NPM1: variants seen among roughly 807,000 people sequenced by gnomAD.
NPM1 encodes the protein nucleophosmin.
In NPM1, 1 loss-of-function variant was observed where a neutral mutation model predicts 44.1. The ratio of observed to expected loss-of-function variants is 0.02; its 90% CI spans 0.01 to 0.11. The LOEUF is 0.11. Ranked by LOEUF, NPM1 falls within the 10% of genes least tolerant of loss-of-function variation. NPM1 has a pLI of 1.00. For synonymous variants in NPM1, 126 were observed against 111.8 expected, an observed-to-expected ratio of 1.13 and a Z score of -0.80; for missense variants, 197 against 347.8, an observed-to-expected ratio of 0.57 and a Z score of 3.45.
chr5:171,405,478 G>GTTTCTTGT (rs1354518182), intron 9 of NPM1, 75 bp downstream of exon 9: 6 of 709,530 alleles, frequency 8.5e-6, no homozygotes, highest in East Asian at 2.7e-5. Flanking sequence ...AGACTTGAAT[G>GTTTCTTGT]TTTCTTGTTT....
At position 171,391,299 on chromosome 5, in the gene NPM1, TCACAGG is replaced by T. The variant is rs1490909801; in HGVS notation, c.139-5_139del. ...AGTTGAAGTAGTATTTTTTTTTTGTTCACAGGTCAGTTTAGGGGCTGGTGCAAAGGA... is the reference window on the plus strand; with the variant it reads ...AGTTGAAGTAGTATTTTTTTTTTGTTTCAGTTTAGGGGCTGGTGCAAAGGA... On this transcript the variant is annotated splice_acceptor_variant and splice_polypyrimidine_tract_variant and coding_sequence_variant and intron_variant, in exon 3 of 11. Coordinates refer to ENST00000296930, the MANE Select transcript of NPM1 (RefSeq NM_002520.7). LOFTEE classifies it high-confidence loss of function. 3 of 1,607,548 alleles carry T rather than the reference TCACAGG, an allele frequency of 1.9e-6. No homozygotes were observed. The highest frequency in any genetic ancestry group is 3.4e-5 in the Admixed American group (2 of 58,542).
At chr5:171,405,719 T>A in intron 9 of NPM1, 1 of 298,768 alleles carries the variant, frequency 3.3e-6, no homozygotes, top group Non-Finnish European at 6.2e-6. Flanking sequence ...GGTTGTAAGA[T>A]ATGCTAGAGA....
At chr5:171,400,328 A>AGATCATCTCATACTGAT in intron 7 of NPM1, 118 bp downstream of exon 7, 1 of 525,442 alleles carries the variant, frequency 1.9e-6, no homozygotes, top group Non-Finnish European at 2.6e-6. Flanking sequence ...CTCATACTGA[A>AGATCATCTCATACTGAT]AATTAGTCCT....
chr5:171,387,891 G>C lies in NPM1; in HGVS notation c.-58G>C, dbSNP rs1770323545. 3.9e-6 allele frequency: 6 copies of C among 1,532,920 alleles called. No homozygotes were observed. The highest frequency in any genetic ancestry group is 5.4e-6 in the Non-Finnish European group (6 of 1,108,446). The allele number at this position is 1,532,920 out of a possible 1,614,324, so 95.0% of individuals were successfully genotyped here. Reference sequence around the variant, plus strand: ...CCGTCCTGCGCGGTTGTTCTCTGGAGCAGCGTTCTTTTATCTCCGTCCGCC... The same window carrying C: ...CCGTCCTGCGCGGTTGTTCTCTGGACCAGCGTTCTTTTATCTCCGTCCGCC... On this transcript the variant is annotated 5_prime_UTR_variant, in exon 1 of 11. Transcript: ENST00000296930.
chr5:171,410,772 T>C lies in NPM1; in HGVS notation c.*207T>C. ...TGGAACTCCACCCTTTGCTTGGTTT[T>C]AAGTATGTATGGAATGTTATGATAG... On this transcript the variant is annotated 3_prime_UTR_variant, in exon 11 of 11. Transcript: ENST00000296930. 1 of 489,788 alleles carries C rather than the reference T, an allele frequency of 2.0e-6. No homozygotes were observed. Among genetic ancestry groups the C allele is most frequent in the Non-Finnish European group, 3.6e-6 (1 of 278,604 alleles). 30.3% of individuals were successfully genotyped at this position (489,788 alleles called of 1,614,324 possible). A position where few individuals can be genotyped will look rare whatever the true frequency, so the allele number is the denominator to read the frequency against.
intron 6 of NPM1, among the ~76,000 whole-genome samples, chr5:171,394,582 G>T (rs1008797585): frequency 6.6e-6 from 1 of 152,120 alleles, no homozygotes; most frequent in African/African-American, 2.4e-5. Context: ...GGTTACAGGA[G>T]CATAACCAAG....
chr5:171,393,120 G>A (rs1036398914), intron 6 of NPM1, 142 bp downstream of exon 6: 2 of 1,098,704 alleles, frequency 1.8e-6, no homozygotes, highest in African/African-American at 1.6e-5. Context: ...AAGGGCAGGT[G>A]GTCATCTGTT....
intron 10 of NPM1, among the ~76,000 whole-genome samples, chr5:171,408,957 T>A (rs1771698548): frequency 6.6e-6 from 1 of 152,094 alleles, no homozygotes; most frequent in Non-Finnish European, 1.5e-5. Context: ...TTGTAGCTAT[T>A]AAATTACTGA....
chr5:171,402,038 G>A (rs1344054643), intron 8 of NPM1, among the ~76,000 whole-genome samples: 1 of 139,496 alleles, frequency 7.2e-6, no homozygotes, highest in East Asian at 2.3e-4. Flanking sequence ...TTATTCTTAG[G>A]GATTTTCTGA....
chr5:171,391,691 A>AT lies in NPM1; in HGVS notation c.259-12dup, dbSNP rs780733077. The AT allele has an allele frequency of 6.4e-7, 1 of 1,559,552 alleles. No homozygotes were observed. Among genetic ancestry groups the AT allele is most frequent in the Non-Finnish European group, 8.8e-7 (1 of 1,133,064 alleles). On this transcript the variant is annotated splice_polypyrimidine_tract_variant and intron_variant, in intron 3 of 10. Transcript: ENST00000296930. ...TTCTTCACATGTTTAGTGATGAAAA[A>AT]TTTCTCCCTTCTAGGTTTCCCTTGG...
At chr5:171,403,112 T>C (rs1034799717) in intron 8 of NPM1, among the ~76,000 whole-genome samples, 4 of 112,958 alleles carry the variant, frequency 3.5e-5, no homozygotes, top group Non-Finnish European at 3.6e-5. Context: ...GATAAACAAG[T>C]GAACAAAGGT....
chr5:171,391,170 G>A, intron 2 of NPM1, 135 bp from the exon 3 acceptor site: 1 of 995,116 alleles, frequency 1.0e-6, no homozygotes, highest in Non-Finnish European at 1.5e-6. Context: ...GTACAAAGAT[G>A]AAATTGTCTA....
chr5:171,391,080 G>GA, intron 2 of NPM1: 1 of 484,230 alleles, frequency 2.1e-6, no homozygotes, highest in Non-Finnish European at 3.7e-6. Context: ...ATTCAGTACA[G>GA]TAACACTGTA....
chr5:171,387,900 T>C lies in NPM1; in HGVS notation c.-49T>C, dbSNP rs11551555. On this transcript the variant is annotated 5_prime_UTR_variant, in exon 1 of 11. Coordinates refer to ENST00000296930, the MANE Select transcript of NPM1 (RefSeq NM_002520.7). ...GCGGTTGTTCTCTGGAGCAGCGTTC[T>C]TTTATCTCCGTCCGCCTTCTCTCCT... is the stretch of plus-strand genomic sequence containing the variant. 7.0e-6 allele frequency: 11 copies of C among 1,581,026 alleles called. No homozygotes were observed. The highest frequency in any genetic ancestry group is 5.5e-5 in the South Asian group (5 of 90,236).
At chr5:171,407,495 C>T (rs1201607127) in intron 9 of NPM1, 1 of 555,704 alleles carries the variant, frequency 1.8e-6, no homozygotes, top group Admixed American at 3.8e-5. Flanking sequence ...GACCCTTTGG[C>T]AAATCTGTTT....
chr5:171,395,656 C>T (rs181847729), intron 6 of NPM1, among the ~76,000 whole-genome samples: 1 of 152,114 alleles, frequency 6.6e-6, no homozygotes, highest in Non-Finnish European at 1.5e-5. Flanking sequence ...ATAGAAACTT[C>T]AGTGGTGAGA....
At chr5:171,405,480 T>C (rs1025375025) in intron 9 of NPM1, 77 bp downstream of exon 9, 4 of 709,806 alleles carry the variant, frequency 5.6e-6, no homozygotes, top group Non-Finnish European at 9.8e-6. Context: ...ACTTGAATGT[T>C]TCTTGTTTTT....
intron 2 of NPM1, among the ~76,000 whole-genome samples, chr5:171,390,646 A>G (rs1770524603): frequency 6.6e-6 from 1 of 152,136 alleles, no homozygotes; most frequent in Admixed American, 6.6e-5. Flanking sequence ...CCTCATTGCA[A>G]CTGCTGGGTC....
chr5:171,387,725 G>T, upstream of NPM1: 1 of 583,998 alleles, frequency 1.7e-6, no homozygotes. Context: ...GGGTTGAAAA[G>T]CGCTTGCGCA....
Sources: gnomAD v4.1 joint callset for allele counts (sites outside exome capture counted in the v4.1 genomes callset) on GRCh38, gnomAD v4.1.1 for gene constraint, MANE v1.5 for transcripts, NCBI Gene and HGNC (gene_info 2026-07-23, HGNC 2026-07-21) for gene names.